The following DCAF6 variants were observed in gnomAD, a reference collection of about 807,000 sequenced individuals.
The protein encoded by DCAF6 is DDB1 and CUL4 associated factor 6, also known as DDB1- and CUL4-associated factor 6.
A neutral mutation model predicts 125.1 loss-of-function variants in DCAF6; 54 were observed. The observed-to-expected ratio is 0.43, with a 90% CI of 0.35 to 0.54. The LOEUF is 0.54. DCAF6 is among the 20% of genes least tolerant of loss of function. DCAF6 has a pLI of 0.01. For synonymous variants in DCAF6, 371 were observed against 390.4 expected (o/e 0.95, Z 0.58); for missense variants, 934 against 1,161.7 (o/e 0.80, Z 2.85).
At chr1:167,908,406 G>A in the DCAF6 span, among the ~76,000 whole-genome samples, 1 of 152,138 alleles carries the variant, frequency 6.6e-6, no homozygotes, top group East Asian at 1.9e-4. Context: ...GGGGTTGGGT[G>A]GGTGGAATGA....
intron 20 of DCAF6, among the ~76,000 whole-genome samples, 169 bp downstream of exon 20, chr1:168,066,634 T>C (rs1692369700): frequency 6.6e-6 from 1 of 152,150 alleles, no homozygotes; most frequent in African/African-American, 2.4e-5. Flanking sequence ...TCTATAATAC[T>C]AGGGAGGTAA....
chr1:167,911,207 G>A, the DCAF6 span, among the ~76,000 whole-genome samples: 9 of 152,170 alleles, frequency 5.9e-5, no homozygotes, highest in Non-Finnish European at 1.2e-4. Flanking sequence ...TGAGGGTAGA[G>A]GTATAAAAAG....
chr1:167,914,525 T>G, the DCAF6 span, among the ~76,000 whole-genome samples: 1 of 152,228 alleles, frequency 6.6e-6, no homozygotes, highest in South Asian at 2.1e-4. Flanking sequence ...CAGATATATT[T>G]GTGAGGTAAA....
At chr1:167,930,005 A>G in the DCAF6 span, among the ~76,000 whole-genome samples, 1 of 152,228 alleles carries the variant, frequency 6.6e-6, no homozygotes. Context: ...AAATCCTTAG[A>G]ATATGTAAAG....
the DCAF6 span, chr1:167,883,734 G>T: frequency 2.0e-6 from 2 of 998,944 alleles, no homozygotes; most frequent in African/African-American, 1.6e-5. Flanking sequence ...GTCTACCTCA[G>T]AATGGGTGAG....
At chr1:168,012,271 T>A (rs1320430484) in intron 10 of DCAF6, among the ~76,000 whole-genome samples, 1 of 152,242 alleles carries the variant, frequency 6.6e-6, no homozygotes, top group Non-Finnish European at 1.5e-5. Flanking sequence ...GGTGGACCTT[T>A]GTTGCGTCAA....
upstream of DCAF6, chr1:167,936,398 T>C (rs1176281943): frequency 1.7e-5 from 3 of 177,430 alleles, no homozygotes; most frequent in African/African-American, 7.2e-5. Context: ...TTCTTTTCAC[T>C]GGAGACTCGT....
intron 12 of DCAF6, among the ~76,000 whole-genome samples, chr1:168,036,252 C>T (rs577533160): frequency 1.3e-5 from 2 of 152,092 alleles, no homozygotes; most frequent in African/African-American, 2.4e-5. Flanking sequence ...ATGTAGATAT[C>T]TATAACTGTC....
intron 2 of DCAF6, among the ~76,000 whole-genome samples, chr1:167,952,187 ACTTTT>A (rs1340387308): frequency 6.6e-6 from 1 of 151,444 alleles, no homozygotes; most frequent in Non-Finnish European, 1.5e-5. Flanking sequence ...TTTTTTTCAT[ACTTTT>A]TTTTGTTTGT....
intron 1 of DCAF6, among the ~76,000 whole-genome samples, chr1:167,937,908 T>G (rs1671571758): frequency 6.6e-6 from 1 of 152,220 alleles, no homozygotes; most frequent in Non-Finnish European, 1.5e-5. Flanking sequence ...TAAAATTTTT[T>G]TCTTTCCAGT....
At chr1:167,871,152 A>C in the DCAF6 span, among the ~76,000 whole-genome samples, 2 of 152,128 alleles carry the variant, frequency 1.3e-5, no homozygotes, top group Admixed American at 1.3e-4. Flanking sequence ...AAATTTATTA[A>C]AGTTAGTTTT....
intron 4 of DCAF6, among the ~76,000 whole-genome samples, chr1:167,979,192 ATAATT>A (rs1678717920): frequency 6.6e-6 from 1 of 152,120 alleles, no homozygotes. Context: ...TTGTGTTAAC[ATAATT>A]TATTTTTTAG....
chr1:168,017,828 C>T (rs968103374), intron 11 of DCAF6, among the ~76,000 whole-genome samples: 22 of 151,936 alleles, frequency 1.4e-4, no homozygotes, highest in Middle Eastern at 3.2e-3. Context: ...GAAGAATGTG[C>T]GTTTCTCATA....
chr1:168,023,263 C>G (rs1486138183), intron 12 of DCAF6: 1 of 567,246 alleles, frequency 1.8e-6, no homozygotes, highest in East Asian at 2.8e-5. Context: ...CACTTTGGCC[C>G]TTGATGCCAA....
At chr1:167,894,623 G>A in the DCAF6 span, among the ~76,000 whole-genome samples, 1 of 151,398 alleles carries the variant, frequency 6.6e-6, no homozygotes, top group Admixed American at 6.6e-5. Flanking sequence ...AAAAAAATGT[G>A]TGTGTGTGTG....
the DCAF6 span, among the ~76,000 whole-genome samples, chr1:167,889,856 A>C: frequency 1.3e-5 from 2 of 152,120 alleles, no homozygotes; most frequent in African/African-American, 4.8e-5. Flanking sequence ...TGATCCTTTG[A>C]ATTTCTGTAT....
chr1:168,068,402 C>T lies in DCAF6; in HGVS notation c.2730C>T (p.Thr910=), dbSNP rs777580185. 1.3e-6 allele frequency: 2 copies of T among 1,599,978 alleles called. No homozygotes were observed. The highest frequency in any genetic ancestry group is 1.1e-5 in the South Asian group (1 of 89,428). The change falls in exon 21 of 22, where the codon ACC becomes ACT. Residue 910 remains threonine, a synonymous_variant. Transcript: ENST00000367840. The part of the protein sequence containing the change: ...NELMLEETRN[T]ITVPASFMLR... ...TCATGCTGGAAGAAACTAGAAACAC[C>T]ATTACAGTTCCAGCCTCTTTCATGT... is the stretch of plus-strand genomic sequence containing the variant.
At chr1:168,035,573 G>C (rs1318989822) in intron 12 of DCAF6, among the ~76,000 whole-genome samples, 1 of 152,204 alleles carries the variant, frequency 6.6e-6, no homozygotes, top group Non-Finnish European at 1.5e-5. Flanking sequence ...TCAGGGACCT[G>C]AAGTTTTTGT....
At chr1:167,991,827 C>T (rs1053384343) in intron 6 of DCAF6, among the ~76,000 whole-genome samples, 3 of 152,118 alleles carry the variant, frequency 2.0e-5, no homozygotes, top group Non-Finnish European at 4.4e-5. Flanking sequence ...ACATTTTCCT[C>T]TTAGGGCACT....
Sources: gnomAD v4.1 joint callset for allele counts (sites outside exome capture counted in the v4.1 genomes callset) on GRCh38, gnomAD v4.1.1 for gene constraint, MANE v1.5 for transcripts, NCBI Gene and HGNC (gene_info 2026-07-23, HGNC 2026-07-21) for gene names.